Variants in GRID2 observed in about 807,000 individuals in gnomAD.
GRID2 encodes glutamate receptor ionotropic, delta-2.
Under a neutral mutation model 114.8 loss-of-function variants are expected in GRID2, and 33 were observed. The ratio of observed to expected loss-of-function variants is 0.29; its 90% CI spans 0.22 to 0.38. The LOEUF is 0.38. Ranked by LOEUF, GRID2 falls within the 10% of genes least tolerant of loss-of-function variation. The pLI, the probability that GRID2 is intolerant of heterozygous loss-of-function variation, is 1.00. For missense variants in GRID2, 1,184 were observed against 1,257.7 expected, an observed-to-expected ratio of 0.94 and a Z score of 0.89; for synonymous variants, 505 against 449.9, an observed-to-expected ratio of 1.12 and a Z score of -1.55.
chr4:92,782,274 A>C (rs1454026138), intron 2 of GRID2, among the ~76,000 whole-genome samples: 1 of 152,048 alleles, frequency 6.6e-6, no homozygotes, highest in Non-Finnish European at 1.5e-5. Flanking sequence ...ATTTGTGCTA[A>C]AATTGTATCA....
intron 1 of GRID2, among the ~76,000 whole-genome samples, chr4:92,540,326 C>T (rs1418832666): frequency 1.3e-5 from 2 of 152,120 alleles, no homozygotes; most frequent in Admixed American, 6.5e-5. Context: ...AGCTTCTGCA[C>T]AGCAAAAGAA....
chr4:93,321,221 G>A (rs1757175921), intron 8 of GRID2, among the ~76,000 whole-genome samples: 1 of 151,862 alleles, frequency 6.6e-6, no homozygotes, highest in African/African-American at 2.4e-5. Flanking sequence ...CCTGAGAAGG[G>A]GTGGTCAGGA....
chr4:93,282,116 T>C (rs1752712053), intron 8 of GRID2, among the ~76,000 whole-genome samples: 2 of 152,086 alleles, frequency 1.3e-5, no homozygotes, highest in South Asian at 2.1e-4. Context: ...TATTCTTTAA[T>C]ATGAGCTCTG....
chr4:92,614,270 G>T (rs1729896137), intron 2 of GRID2, among the ~76,000 whole-genome samples: 1 of 151,450 alleles, frequency 6.6e-6, no homozygotes, highest in Admixed American at 6.6e-5. Context: ...TTCCAAATAT[G>T]AATGAGAACT....
At position 92,755,888 on chromosome 4, in the gene GRID2, A is replaced by G. The variant is rs182699014; in HGVS notation, c.244+165602A>G. Among the ~76,000 whole-genome samples the G allele has an allele frequency of 4.3e-4, 65 of 152,284 alleles. 3 individuals are homozygous for G. Among genetic ancestry groups the G allele is most frequent in the Admixed American group, 4.2e-3 (64 of 15,284 alleles). ...CTGTGGGATACATTTTGTTACATGC[A>G]TGCACTGTGTAATGATCAAGTCAGG... On this transcript the variant is annotated intron_variant, in intron 2 of 15. Transcript: ENST00000282020.
chr4:92,921,465 C>G (rs1749330837), intron 2 of GRID2, among the ~76,000 whole-genome samples: 1 of 152,092 alleles, frequency 6.6e-6, no homozygotes, highest in South Asian at 2.1e-4. Context: ...GTTTTTTCCT[C>G]ATCTTTGTGG....
At chr4:92,502,158 G>A (rs981646748) in intron 1 of GRID2, among the ~76,000 whole-genome samples, 1 of 151,966 alleles carries the variant, frequency 6.6e-6, no homozygotes, top group Non-Finnish European at 1.5e-5. Flanking sequence ...CACAAAGTGA[G>A]CAAGTATTTT....
intron 4 of GRID2, among the ~76,000 whole-genome samples, chr4:93,144,526 C>G (rs1024198641): frequency 4.6e-5 from 7 of 152,120 alleles, no homozygotes; most frequent in Non-Finnish European, 7.3e-5. Context: ...CACTGTGATT[C>G]AGGAGAGCCA....
At chr4:92,498,918 C>T (rs1177784529) in intron 1 of GRID2, among the ~76,000 whole-genome samples, 1 of 85,166 alleles carries the variant, frequency 1.2e-5, no homozygotes, top group Admixed American at 1.6e-4. Flanking sequence ...GAGACAAGAA[C>T]TTATTTAGGT....
At chr4:93,129,329 C>A (rs1230364729) in intron 4 of GRID2, among the ~76,000 whole-genome samples, 1 of 152,070 alleles carries the variant, frequency 6.6e-6, no homozygotes, top group African/African-American at 2.4e-5. Flanking sequence ...CTCCAACTAG[C>A]TTAATGTTGA....
chr4:92,402,931 G>A (rs759883685), intron 1 of GRID2, among the ~76,000 whole-genome samples: 5 of 152,196 alleles, frequency 3.3e-5, no homozygotes, highest in Non-Finnish European at 7.3e-5. Context: ...CTCTTGTTTA[G>A]TGTAGCCTCC....
intron 1 of GRID2, among the ~76,000 whole-genome samples, chr4:92,490,620 A>G (rs1405672989): frequency 2.6e-5 from 4 of 152,162 alleles, no homozygotes; most frequent in African/African-American, 4.8e-5. Context: ...GTGTGGAATA[A>G]TTACCGTGGT....
intron 1 of GRID2, among the ~76,000 whole-genome samples, chr4:92,515,378 A>C (rs1288651939): frequency 6.6e-6 from 1 of 151,946 alleles, no homozygotes; most frequent in Non-Finnish European, 1.5e-5. Context: ...TAGACAACAT[A>C]AAAGACAATA....
At chr4:92,639,557 G>A (rs1731243472) in intron 2 of GRID2, among the ~76,000 whole-genome samples, 1 of 151,686 alleles carries the variant, frequency 6.6e-6, no homozygotes, top group African/African-American at 2.4e-5. Flanking sequence ...TTTAGTATCT[G>A]TGAAGCTTTG....
chr4:92,605,424 T>TA (rs146221367), intron 2 of GRID2, among the ~76,000 whole-genome samples: 8,819 of 152,116 alleles, frequency 0.058, 292 homozygotes, highest in East Asian at 0.12. Flanking sequence ...AAGGAATGTA[T>TA]AGTCTACTAG....
At chr4:93,532,575 T>C (rs1003284097) in intron 13 of GRID2, among the ~76,000 whole-genome samples, 9 of 152,180 alleles carry the variant, frequency 5.9e-5, no homozygotes, top group Non-Finnish European at 1.3e-4. Context: ...TCAAGTGAAA[T>C]GCTGTGCTTG....
intron 2 of GRID2, among the ~76,000 whole-genome samples, chr4:92,990,597 G>A (rs541927616): frequency 1.3e-5 from 2 of 151,860 alleles, no homozygotes; most frequent in South Asian, 2.1e-4. Flanking sequence ...TGACAGGGGT[G>A]AGCCACCACA....
chr4:92,761,335 A>C (rs1738001817), intron 2 of GRID2, among the ~76,000 whole-genome samples: 2 of 152,300 alleles, frequency 1.3e-5, no homozygotes, highest in African/African-American at 4.8e-5. Context: ...TAGTATAGGA[A>C]AGTAATGACC....
intron 12 of GRID2, among the ~76,000 whole-genome samples, chr4:93,507,728 T>TA: frequency 6.6e-6 from 1 of 152,358 alleles, no homozygotes; most frequent in Admixed American, 6.5e-5. Flanking sequence ...TTCTACTTTG[T>TA]ACCAGGTCCT....
Sources: allele counts gnomAD v4.1 joint callset (sites outside exome capture counted in the v4.1 genomes callset), GRCh38; gene constraint gnomAD v4.1.1; transcripts MANE v1.5; gene names NCBI Gene and HGNC (gene_info 2026-07-23, HGNC 2026-07-21).